The following PPP2R2D variants were observed in gnomAD, a reference collection of about 807,000 sequenced individuals.
PPP2R2D encodes the protein serine/threonine-protein phosphatase 2A 55 kDa regulatory subunit B delta isoform.
PPP2R2D carries 9 observed loss-of-function variants against 31.1 expected under a neutral mutation model. That is an observed-to-expected ratio of 0.29 (90% CI 0.17 to 0.51). PPP2R2D has a LOEUF of 0.51. PPP2R2D is among the 20% of genes least tolerant of loss of function. The probability of loss-of-function intolerance (pLI) is 0.98; values close to 1 mark genes in which losing one functional copy is unlikely to be tolerated. For synonymous variants in PPP2R2D, 179 were observed against 172.6 expected, an observed-to-expected ratio of 1.04 and a Z score of -0.29; for missense variants, 391 against 465.6, an observed-to-expected ratio of 0.84 and a Z score of 1.48.
chr10:131,932,391 A>G (rs1554895796), intron 2 of PPP2R2D, among the ~76,000 whole-genome samples: 1 of 152,078 alleles, frequency 6.6e-6, no homozygotes, highest in African/African-American at 2.4e-5. Context: ...TAAAATACCT[A>G]ACTCACTTTG....
At chr10:131,921,561 G>GAGAAGAA (rs1554894256) in intron 2 of PPP2R2D, among the ~76,000 whole-genome samples, 11 of 152,184 alleles carry the variant, frequency 7.2e-5, no homozygotes, top group Non-Finnish European at 1.0e-4. Flanking sequence ...ACAGGCTGGG[G>GAGAAGAA]CAATGGGGTG....
intron 5 of PPP2R2D, among the ~76,000 whole-genome samples, chr10:131,942,628 A>G (rs1417525760): frequency 2.0e-5 from 3 of 152,228 alleles, no homozygotes; most frequent in Admixed American, 6.5e-5. Context: ...GCACTTTGGG[A>G]GACCGAGATG....
intron 2 of PPP2R2D, among the ~76,000 whole-genome samples, chr10:131,901,725 G>A (rs932528170): frequency 5.7e-4 from 87 of 152,144 alleles, no homozygotes; most frequent in Admixed American, 3.3e-4. Context: ...TCGTGCGCTC[G>A]GGCAGCGCGG....
At chr10:131,939,084 A>G (rs1451334395) in intron 3 of PPP2R2D, among the ~76,000 whole-genome samples, 1 of 150,822 alleles carries the variant, frequency 6.6e-6, no homozygotes, top group Non-Finnish European at 1.5e-5. Context: ...GGCAGGCTGC[A>G]TTCAGCAGAC....
At chr10:131,925,603 T>G (rs1564815586) in intron 2 of PPP2R2D, among the ~76,000 whole-genome samples, 1 of 152,252 alleles carries the variant, frequency 6.6e-6, no homozygotes, top group Non-Finnish European at 1.5e-5. Context: ...TTTTTAGTGC[T>G]TAAGTGACTA....
chr10:131,952,423 G>GGT (rs1554899005), intron 8 of PPP2R2D, among the ~76,000 whole-genome samples: 2 of 93,604 alleles, frequency 2.1e-5, no homozygotes, highest in Non-Finnish European at 4.1e-5. Flanking sequence ...GTGTGCGGGG[G>GGT]TTCACTGTCT....
At chr10:131,917,749 T>A in intron 2 of PPP2R2D, among the ~76,000 whole-genome samples, 1 of 107,302 alleles carries the variant, frequency 9.3e-6, no homozygotes, top group Non-Finnish European at 1.8e-5. Context: ...AATGACACAG[T>A]ATAGGGACCT....
In PPP2R2D at chr10:131,937,032, C is replaced by T. The variant is rs565396845; in HGVS notation, c.198+2477C>T. On this transcript the variant is annotated intron_variant, in intron 3 of 8. Transcript: ENST00000455566. ...GGTGAAGCTGCTGCCCATCAAGCGA[C>T]CCCAGCTCCCAGTTAGAAGCTGCAG... Among the ~76,000 whole-genome samples the T allele has an allele frequency of 6.6e-5, 10 of 152,342 alleles. No individual in the cohort carries two copies. The East Asian group carries it at 1.5e-3, about 24-fold the overall frequency.
chr10:131,945,111 G>C lies in PPP2R2D; in HGVS notation c.656-184G>C, dbSNP rs1369910561. Among the ~76,000 whole-genome samples, 9 of 152,204 alleles carry C rather than the reference G, an allele frequency of 5.9e-5. No individual in the cohort carries two copies. Among genetic ancestry groups the C allele is most frequent in the Admixed American group, 5.2e-4 (8 of 15,284 alleles). Reference sequence around the variant, plus strand: ...GCCGGGGCGTTGCTGTAGTCTGAGTGTGCTCATCCCAATCCCCTTACCAGG... The same window carrying C: ...GCCGGGGCGTTGCTGTAGTCTGAGTCTGCTCATCCCAATCCCCTTACCAGG... On this transcript the variant is annotated intron_variant, in intron 6 of 8. Transcript: ENST00000455566. The surrounding 1 kb of genome is among the most constrained non-coding windows in gnomAD (Gnocchi z 4.8).
chr10:131,914,034 G>A (rs1349219933), intron 2 of PPP2R2D, among the ~76,000 whole-genome samples: 1 of 152,208 alleles, frequency 6.6e-6, no homozygotes, highest in African/African-American at 2.4e-5. Context: ...GAATTCTTGG[G>A]TGAGTCACCA....
intron 7 of PPP2R2D, among the ~76,000 whole-genome samples, chr10:131,946,155 C>G (rs934166158): frequency 9.9e-5 from 15 of 152,248 alleles, no homozygotes; most frequent in African/African-American, 3.6e-4. Flanking sequence ...TCATGTTGAG[C>G]TTGGCTGGAT....
Position 131,947,692 on chromosome 10 carries a change from C to T in PPP2R2D, c.983C>T (p.Thr328Ile). 2 of 1,614,172 alleles carry T rather than the reference C, an allele frequency of 1.2e-6. No individual in the cohort carries two copies. Among genetic ancestry groups the T allele is most frequent in the Non-Finnish European group, 1.7e-6 (2 of 1,180,028 alleles). ...AACATGGAGAGCAGGCCGGTGGAGA[C>T]CCACCAGGTCCACGAGTACCTGCGC... ...DLNMESRPVE[T>I]HQVHEYLRSK... The change falls in exon 8 of 9, where the codon ACC (threonine) becomes ATC (isoleucine). Residue 328 changes from threonine (T) to isoleucine (I), a missense_variant. Physicochemically the swap from Thr to Ile is moderately conservative, Grantham distance 89. This residue lies in a region of PPP2R2D where 163 missense variants were observed against 179.5 expected (regional missense o/e 0.91). Coordinates refer to ENST00000455566, the MANE Select transcript of PPP2R2D (RefSeq NM_018461.5). The surrounding 1 kb of genome is among the most constrained non-coding windows in gnomAD (Gnocchi z 4.3).
rs2036572447 is a variant in PPP2R2D, at chr10:131,947,936, A to G, written c.1082+145A>G. On this transcript the variant is annotated intron_variant, in intron 8 of 8. Coordinates refer to ENST00000455566, the MANE Select transcript of PPP2R2D (RefSeq NM_018461.5). This position sits in a 1 kb window ranked among gnomAD's most constrained non-coding sequence, Gnocchi z 4.3. Reference sequence around the variant, plus strand: ...TTCCAGACCTTTTGATTGATGGATGATAGTATCAAGGTAGAGAAAATAGGA... The same window carrying G: ...TTCCAGACCTTTTGATTGATGGATGGTAGTATCAAGGTAGAGAAAATAGGA... 5 of 1,000,546 alleles carry G rather than the reference A, an allele frequency of 5.0e-6. No individual in the cohort carries two copies. The East Asian group carries it at 1.2e-4, about 24-fold the overall frequency. 62.0% of individuals were successfully genotyped at this position (1,000,546 alleles called of 1,614,324 possible). A position where few individuals can be genotyped will look rare whatever the true frequency, so the allele number is the denominator to read the frequency against.
At chr10:131,920,166 C>T (rs1383282307) in intron 2 of PPP2R2D, among the ~76,000 whole-genome samples, 2 of 144,744 alleles carry the variant, frequency 1.4e-5, no homozygotes, top group Admixed American at 6.9e-5. Context: ...GGTGGAATGA[C>T]ACAGTGTTTG....
chr10:131,910,670 A>G (rs1204195983), intron 2 of PPP2R2D, among the ~76,000 whole-genome samples: 12 of 152,016 alleles, frequency 7.9e-5, no homozygotes, highest in East Asian at 1.9e-4. Flanking sequence ...CTAGTACACA[A>G]CTCCTAAAAT....
intron 2 of PPP2R2D, among the ~76,000 whole-genome samples, chr10:131,911,085 C>T (rs1379349479): frequency 6.6e-6 from 1 of 152,178 alleles, no homozygotes; most frequent in African/African-American, 2.4e-5. Context: ...GGGTTGTGGA[C>T]ACTCTGATTG....
intron 2 of PPP2R2D, among the ~76,000 whole-genome samples, chr10:131,929,695 C>G (rs2036177621): frequency 6.6e-6 from 1 of 152,140 alleles, no homozygotes; most frequent in Admixed American, 6.5e-5. Flanking sequence ...CGGCTGTGCT[C>G]CGTGCCTCCC....
At chr10:131,946,421 C>T (rs2036541465) in intron 7 of PPP2R2D, among the ~76,000 whole-genome samples, 2 of 152,100 alleles carry the variant, frequency 1.3e-5, no homozygotes, top group Admixed American at 1.3e-4. Context: ...CAGACTGAGC[C>T]GCTGCTCATG....
At chr10:131,919,549 A>C (rs1479362591) in intron 2 of PPP2R2D, among the ~76,000 whole-genome samples, 1 of 111,506 alleles carries the variant, frequency 9.0e-6, no homozygotes, top group Non-Finnish European at 1.8e-5. Flanking sequence ...AGGCGGGTGG[A>C]ATGACACAAT....
Sources: gnomAD v4.1 joint callset for allele counts (sites outside exome capture counted in the v4.1 genomes callset) on GRCh38, gnomAD v4.1.1 for gene constraint, gnomAD v4.1.1 regional missense constraint, Gnocchi (gnomAD v3.1) non-coding constraint, MANE v1.5 for transcripts, NCBI Gene and HGNC (gene_info 2026-07-23, HGNC 2026-07-21) for gene names.